QTGAL: variants seen among roughly 807,000 people sequenced by gnomAD.
QTGAL encodes the protein queuosine-tRNA galactosyltransferase, also known as BGnT-like protein 1.
At chr17:83,015,781 G>A in the QTGAL span, among the ~76,000 whole-genome samples, 64 of 152,312 alleles carry the variant, frequency 4.2e-4, no homozygotes, top group African/African-American at 1.5e-3. This position sits in a 1 kb window ranked among gnomAD's most constrained non-coding sequence, Gnocchi z 4.4. Context: ...CTGCACACGC[G>A]AGGAATCCAG....
chr17:82,966,593 C>T, the QTGAL span, among the ~76,000 whole-genome samples: 583 of 152,274 alleles, frequency 3.8e-3, 4 homozygotes, highest in African/African-American at 0.014. Context: ...TCAGGGGCGT[C>T]AGTGGTGGAA....
chr17:83,040,977 A>T, the QTGAL span, among the ~76,000 whole-genome samples: 1 of 151,974 alleles, frequency 6.6e-6, no homozygotes. Context: ...GAGGCAGGAG[A>T]ATGGCGTGAA....
chr17:83,006,378 T>G, the QTGAL span: 9 of 985,360 alleles, frequency 9.1e-6, no homozygotes, highest in African/African-American at 1.4e-4. The surrounding 1 kb of genome is among the most constrained non-coding windows in gnomAD (Gnocchi z 5.8). Flanking sequence ...TGTTGTTGTT[T>G]TTTAATTAAA....
At chr17:83,019,071 C>T in the QTGAL span, among the ~76,000 whole-genome samples, 3 of 152,170 alleles carry the variant, frequency 2.0e-5, no homozygotes, top group African/African-American at 4.8e-5. Context: ...CGCACGATGA[C>T]GCCGCCGGAA....
chr17:82,943,968 T>C, the QTGAL span: 7 of 152,182 alleles, frequency 4.6e-5, no homozygotes, highest in Admixed American at 1.3e-4. Flanking sequence ...CACACGAGAC[T>C]CTGGTTGCGC....
the QTGAL span, among the ~76,000 whole-genome samples, chr17:83,047,934 C>T: frequency 1.3e-5 from 2 of 152,076 alleles, no homozygotes; most frequent in Non-Finnish European, 2.9e-5. Context: ...TTTAGGTCTA[C>T]TAAGGTTCTT....
chr17:83,051,087 C>A, the QTGAL span, among the ~76,000 whole-genome samples: 1 of 135,758 alleles, frequency 7.4e-6, no homozygotes, highest in Non-Finnish European at 1.5e-5. Flanking sequence ...GGGAGCGAGG[C>A]AGGTGCGCGC....
the QTGAL span, among the ~76,000 whole-genome samples, chr17:83,011,267 T>C: frequency 6.6e-6 from 1 of 152,258 alleles, no homozygotes; most frequent in Non-Finnish European, 1.5e-5. Context: ...GCGGGTTCCC[T>C]GTTCTTGCTA....
At chr17:82,972,644 C>G in the QTGAL span, among the ~76,000 whole-genome samples, 1,922 of 74,396 alleles carry the variant, frequency 0.026, no homozygotes, top group African/African-American at 0.033. Flanking sequence ...ACCTGGTGCC[C>G]ACCACACCAC....
the QTGAL span, among the ~76,000 whole-genome samples, chr17:83,045,217 G>T: frequency 6.6e-6 from 1 of 152,184 alleles, no homozygotes; most frequent in African/African-American, 2.4e-5. Context: ...AAACAATGAG[G>T]TACTGGCGTA....
the QTGAL span, among the ~76,000 whole-genome samples, chr17:82,955,416 G>A: frequency 6.6e-6 from 1 of 152,110 alleles, no homozygotes; most frequent in Non-Finnish European, 1.5e-5. Context: ...ATCACTGGTC[G>A]TTAGAGAAAT....
the QTGAL span, chr17:82,961,202 A>C: frequency 6.2e-7 from 1 of 1,600,768 alleles, no homozygotes; most frequent in Non-Finnish European, 8.5e-7. Flanking sequence ...GGAGAAGCAG[A>C]GGCATCACTG....
chr17:82,986,472 T>C, the QTGAL span, among the ~76,000 whole-genome samples: 1 of 152,222 alleles, frequency 6.6e-6, no homozygotes, highest in Non-Finnish European at 1.5e-5. Flanking sequence ...CTTTAACCAC[T>C]GGTACCTGTA....
the QTGAL span, among the ~76,000 whole-genome samples, chr17:83,037,320 G>A: frequency 5.9e-5 from 9 of 152,180 alleles, no homozygotes; most frequent in East Asian, 1.2e-3. This position sits in a 1 kb window ranked among gnomAD's most constrained non-coding sequence, Gnocchi z 5.2. Context: ...CCGCACAGCC[G>A]CACAGAAGCG....
the QTGAL span, among the ~76,000 whole-genome samples, chr17:83,002,121 G>C: frequency 6.6e-6 from 1 of 151,416 alleles, no homozygotes; most frequent in African/African-American, 2.4e-5. Context: ...ATTGTTTTAA[G>C]TGAATACAGT....
chr17:83,018,802 C>G, the QTGAL span, among the ~76,000 whole-genome samples: 13 of 152,316 alleles, frequency 8.5e-5, no homozygotes, highest in African/African-American at 3.1e-4. Context: ...AGTTACGGCA[C>G]CCATTCAGCG....
At chr17:82,974,692 C>G in the QTGAL span, among the ~76,000 whole-genome samples, 1 of 152,188 alleles carries the variant, frequency 6.6e-6, no homozygotes, top group African/African-American at 2.4e-5. Context: ...GGCCCCACAT[C>G]AAGGCTGAGG....
chr17:82,994,072 A>C, the QTGAL span, among the ~76,000 whole-genome samples: 5 of 152,284 alleles, frequency 3.3e-5, no homozygotes, highest in African/African-American at 1.2e-4. Context: ...AAACCTTCAA[A>C]TAAACAACCT....
At chr17:83,050,053 T>C in the QTGAL span, among the ~76,000 whole-genome samples, 1 of 152,208 alleles carries the variant, frequency 6.6e-6, no homozygotes, top group African/African-American at 2.4e-5. Flanking sequence ...CTCTGTCTCT[T>C]CCTGGACTTA....
Sources: allele counts gnomAD v4.1 joint callset (sites outside exome capture counted in the v4.1 genomes callset), GRCh38; gene constraint gnomAD v4.1.1; non-coding constraint Gnocchi (gnomAD v3.1); transcripts MANE v1.5; gene names NCBI Gene and HGNC (gene_info 2026-07-23, HGNC 2026-07-21).